Variants in CPNE4 observed in about 807,000 individuals in gnomAD.
CPNE4 encodes copine-4.
CPNE4 carries 25 observed loss-of-function variants against 67.9 expected under a neutral mutation model. That is an observed-to-expected ratio of 0.37 (90% confidence interval 0.27 to 0.51). The LOEUF (loss-of-function observed/expected upper bound fraction) is 0.51. CPNE4 is among the 20% of genes least tolerant of loss of function. The pLI, the probability that CPNE4 is intolerant of heterozygous loss-of-function variation, is 0.93. For missense variants in CPNE4, 464 were observed against 690.8 expected (o/e 0.67, Z 3.68); for synonymous variants, 242 against 244.9 (o/e 0.99, Z 0.11).
At chr3:131,716,788 T>C (rs936504811) in intron 3 of CPNE4, among the ~76,000 whole-genome samples, 1 of 152,224 alleles carries the variant, frequency 6.6e-6, no homozygotes, top group South Asian at 2.1e-4. Context: ...ATTTTTCAAA[T>C]GAAGAAACTG....
intron 1 of CPNE4, among the ~76,000 whole-genome samples, chr3:131,956,841 A>G (rs1284855977): frequency 6.6e-6 from 1 of 152,180 alleles, no homozygotes; most frequent in African/African-American, 2.4e-5. Flanking sequence ...TAGAATGGAG[A>G]GAGAAAGAGA....
chr3:131,555,630 A>AG, intron 11 of CPNE4, 79 bp from the exon 12 acceptor site: 1 of 1,260,240 alleles, frequency 7.9e-7, no homozygotes, highest in Non-Finnish European at 1.1e-6. Context: ...ACATTAACCT[A>AG]CATTACTAGG....
At chr3:132,010,733 A>G (rs898364243) in intron 1 of CPNE4, among the ~76,000 whole-genome samples, 1 of 152,314 alleles carries the variant, frequency 6.6e-6, no homozygotes, top group African/African-American at 2.4e-5. Context: ...GCTGAGCAAA[A>G]TCAGGCCAGA....
At chr3:131,916,136 A>C (rs1004218877) in intron 1 of CPNE4, among the ~76,000 whole-genome samples, 2 of 152,204 alleles carry the variant, frequency 1.3e-5, no homozygotes, top group African/African-American at 4.8e-5. Context: ...GAGAAAAAGC[A>C]AACTTAAATA....
chr3:131,592,759 A>C (rs1169730154), intron 7 of CPNE4, among the ~76,000 whole-genome samples: 1 of 152,140 alleles, frequency 6.6e-6, no homozygotes, highest in Admixed American at 6.5e-5. Flanking sequence ...CTTTGATTGA[A>C]ACTGTAAACT....
At chr3:131,612,916 C>T (rs1342832447) in intron 7 of CPNE4, among the ~76,000 whole-genome samples, 1 of 152,320 alleles carries the variant, frequency 6.6e-6, no homozygotes, top group Admixed American at 6.5e-5. Context: ...AATGTCATTA[C>T]CTTAGTCAAT....
At chr3:131,969,313 T>G (rs1219322223) in intron 1 of CPNE4, among the ~76,000 whole-genome samples, 1 of 152,044 alleles carries the variant, frequency 6.6e-6, no homozygotes, top group Non-Finnish European at 1.5e-5. Flanking sequence ...CCATGGCACA[T>G]GTATACCTAT....
In CPNE4 at chr3:131,893,240, G is replaced by A. The variant is rs56364000; in HGVS notation, c.180+12024C>T. Among the ~76,000 whole-genome samples the A allele has an allele frequency of 7.2e-3, 1,096 of 151,976 alleles. 8 individuals carry two copies. Among genetic ancestry groups the A allele is most frequent in the Non-Finnish European group, 0.012 (797 of 67,886 alleles). ...ACTGTAAAAAGAGACAAAGAAGAGC[G>A]TTATAATAAAGGAATCAATTCAACA... On this transcript the variant is annotated intron_variant, in intron 2 of 15. Transcript: ENST00000429747.
intron 7 of CPNE4, among the ~76,000 whole-genome samples, chr3:131,608,850 C>T (rs1301043713): frequency 1.3e-5 from 2 of 152,054 alleles, no homozygotes; most frequent in Non-Finnish European, 2.9e-5. Flanking sequence ...AGCCTCATTC[C>T]ACAACACTCC....
chr3:131,657,010 G>C (rs1171245890), intron 7 of CPNE4, among the ~76,000 whole-genome samples: 2 of 152,162 alleles, frequency 1.3e-5, no homozygotes, highest in Non-Finnish European at 2.9e-5. Flanking sequence ...AAGTCCGAGA[G>C]TGTGACCGTA....
At position 131,994,274 on chromosome 3, in the gene CPNE4, C is replaced by G. The variant is rs144974018; in HGVS notation, c.-2+40293G>C. ...TGTGTAGAATCAATGCAGTTCCAAC[C>G]AAAAGTATCAGTAAGGTGAGTTTTT... On this transcript the variant is annotated intron_variant, in intron 1 of 15. Coordinates refer to ENST00000429747, the MANE Select transcript of CPNE4 (RefSeq NM_130808.3). 2.0e-4 allele frequency among the ~76,000 whole-genome samples: 27 copies of G among 135,884 alleles called. 6 individuals carry two copies. The highest frequency in any genetic ancestry group is 7.5e-4 in the Admixed American group (9 of 12,072). The allele number at this position is 135,884 out of a possible 152,430, so 89.1% of individuals were successfully genotyped here. A position where few individuals can be genotyped will look rare whatever the true frequency, so the allele number is the denominator to read the frequency against.
intron 1 of CPNE4, among the ~76,000 whole-genome samples, chr3:131,917,560 GCTCTCT>G (rs113280712): frequency 1.3e-5 from 2 of 148,482 alleles, no homozygotes; most frequent in Non-Finnish European, 3.0e-5. Flanking sequence ...ATATGTTCTT[GCTCTCT>G]CTCTCTCTCT....
chr3:131,651,282 G>T (rs1013188304), intron 7 of CPNE4, among the ~76,000 whole-genome samples: 6 of 152,044 alleles, frequency 3.9e-5, no homozygotes, highest in African/African-American at 1.4e-4. Flanking sequence ...TTTATTAAAA[G>T]CTTAGAAAAA....
intron 2 of CPNE4, among the ~76,000 whole-genome samples, chr3:131,759,952 C>T (rs921007048): frequency 1.3e-5 from 2 of 152,108 alleles, no homozygotes; most frequent in South Asian, 2.1e-4. Flanking sequence ...ATCTGGCATC[C>T]GTTTTATAGG....
intron 7 of CPNE4, among the ~76,000 whole-genome samples, chr3:131,625,508 T>C (rs964145823): frequency 2.0e-5 from 3 of 152,116 alleles, no homozygotes; most frequent in Non-Finnish European, 4.4e-5. Context: ...AAAAGCTCAC[T>C]ATGCAGAACG....
chr3:131,800,965 A>G (rs936035089), intron 2 of CPNE4, among the ~76,000 whole-genome samples: 1 of 152,154 alleles, frequency 6.6e-6, no homozygotes, highest in African/African-American at 2.4e-5. Context: ...ATTCATCTAG[A>G]AAAATTTTCA....
At chr3:131,701,159 G>A (rs764530058) in intron 3 of CPNE4, among the ~76,000 whole-genome samples, 1 of 150,522 alleles carries the variant, frequency 6.6e-6, no homozygotes, top group Non-Finnish European at 1.5e-5. Context: ...TGAGTTAATG[G>A]GTGCAGCACA....
chr3:131,606,264 C>T (rs1939495760), intron 7 of CPNE4, among the ~76,000 whole-genome samples: 1 of 152,180 alleles, frequency 6.6e-6, no homozygotes, highest in Non-Finnish European at 1.5e-5. Flanking sequence ...TTACTTGCTT[C>T]TCTTAATTAT....
At chr3:131,817,171 A>G (rs2084774853) in intron 2 of CPNE4, among the ~76,000 whole-genome samples, 1 of 152,152 alleles carries the variant, frequency 6.6e-6, no homozygotes, top group African/African-American at 2.4e-5. Context: ...GCACTATGGA[A>G]AAAAGAGAAA....
Sources: gnomAD v4.1 joint callset for allele counts (sites outside exome capture counted in the v4.1 genomes callset) on GRCh38, gnomAD v4.1.1 for gene constraint, MANE v1.5 for transcripts, NCBI Gene and HGNC (gene_info 2026-07-23, HGNC 2026-07-21) for gene names.